Variants in FAM167A observed in about 807,000 individuals in gnomAD.
The protein encoded by FAM167A is protein FAM167A.
In FAM167A, 23 loss-of-function variants were observed where a neutral mutation model predicts 14.9. The observed-to-expected ratio is 1.55, with a 90% CI of 1.11 to 2.19. FAM167A has a LOEUF of 2.19. Ranked by LOEUF, FAM167A falls within the 30% of genes most tolerant of loss-of-function variation. The pLI is 0.00. For missense variants in FAM167A, 401 were observed against 281.5 expected, an observed-to-expected ratio of 1.42 and a Z score of -3.04; for synonymous variants, 174 against 117.7, an observed-to-expected ratio of 1.48 and a Z score of -3.10.
intron 1 of FAM167A, among the ~76,000 whole-genome samples, chr8:11,447,683 G>A (rs765593164): frequency 3.3e-5 from 5 of 152,224 alleles, no homozygotes; most frequent in Non-Finnish European, 5.9e-5. Flanking sequence ...CTGGACCTGG[G>A]CACAGTCATT....
intron 2 of FAM167A, among the ~76,000 whole-genome samples, chr8:11,432,629 T>A (rs974149597): frequency 6.6e-6 from 1 of 152,210 alleles, no homozygotes; most frequent in African/African-American, 2.4e-5. Context: ...TGAAAATTAG[T>A]TCAACCATTG....
chr8:11,458,990 A>G (rs1807437721), intron 1 of FAM167A, among the ~76,000 whole-genome samples: 1 of 152,256 alleles, frequency 6.6e-6, no homozygotes, highest in African/African-American at 2.4e-5. Context: ...CCTGCTGCTC[A>G]TGGCCACCTG....
chr8:11,454,372 C>G (rs1044285878), intron 1 of FAM167A, among the ~76,000 whole-genome samples: 3 of 152,246 alleles, frequency 2.0e-5, no homozygotes, highest in Admixed American at 6.5e-5. Flanking sequence ...CAACACCTGT[C>G]TGGTGCAGGG....
chr8:11,468,426 C>T (rs1304584510), upstream of FAM167A, among the ~76,000 whole-genome samples: 1 of 152,252 alleles, frequency 6.6e-6, no homozygotes, highest in East Asian at 1.9e-4. Context: ...AGCCCCCTGC[C>T]TTATGTCCTT....
chr8:11,431,188 T>A (rs1207739149), intron 2 of FAM167A, among the ~76,000 whole-genome samples: 2 of 152,238 alleles, frequency 1.3e-5, no homozygotes. Flanking sequence ...GGCCTATCCA[T>A]AAAGTGGAAT....
intron 1 of FAM167A, among the ~76,000 whole-genome samples, chr8:11,473,991 A>G (rs1438248951): frequency 6.6e-6 from 1 of 151,940 alleles, no homozygotes; most frequent in South Asian, 2.1e-4. Context: ...TTCCTGCCTC[A>G]GCATCCTGAG....
intron 2 of FAM167A, among the ~76,000 whole-genome samples, chr8:11,427,467 G>GCGACATGCT (rs1189545942): frequency 6.6e-6 from 1 of 152,186 alleles, no homozygotes; most frequent in East Asian, 1.9e-4. Flanking sequence ...TAGTATTTCT[G>GCGACATGCT]CGACATGCTC....
At chr8:11,431,843 G>A (rs1805613303) in intron 2 of FAM167A, among the ~76,000 whole-genome samples, 1 of 147,498 alleles carries the variant, frequency 6.8e-6, no homozygotes, top group Admixed American at 6.8e-5. Context: ...GGCCTCTCTG[G>A]GGGGTTACTG....
chr8:11,424,647 G>T lies in FAM167A; in HGVS notation c.382-11C>A, dbSNP rs775280270. On this transcript the variant is annotated splice_polypyrimidine_tract_variant and intron_variant, in intron 2 of 2. Transcript: ENST00000284486. ...CAGCCGCATCTCCGTCTGGAAGGGA[G>T]GGGGAGCAGGCAGGGTCAGCAGAGA... 8.1e-6 allele frequency: 13 copies of T among 1,612,006 alleles called. 1 individual carries two copies. Among genetic ancestry groups the T allele is most frequent in the Admixed American group, 1.7e-5 (1 of 59,978 alleles).
rs57237881 is a variant in FAM167A at position 11,438,629 on chromosome 8, C to T, written c.381+5402G>A. On this transcript the variant is annotated intron_variant, in intron 2 of 2. Transcript: ENST00000284486. ...AAGTCAAAAGAATAATATTACCACT[C>T]AGAAATAAAGATCATCAAGTTTTGG... is the stretch of plus-strand genomic sequence containing the variant. The T allele has an allele frequency of 1.0e-3, 414 of 413,134 alleles. 1 individual carries two copies. The highest frequency in any genetic ancestry group is 7.9e-3 in the African/African-American group (377 of 47,814). 25.6% of individuals were successfully genotyped at this position (413,134 alleles called of 1,614,324 possible).
chr8:11,473,480 C>T (rs994293530), intron 1 of FAM167A, among the ~76,000 whole-genome samples: 3 of 152,134 alleles, frequency 2.0e-5, no homozygotes, highest in Middle Eastern at 3.2e-3. Flanking sequence ...ACAACTGTAC[C>T]CCGAAGAGAT....
chr8:11,429,402 A>T (rs1004139074), intron 2 of FAM167A, among the ~76,000 whole-genome samples: 1 of 152,152 alleles, frequency 6.6e-6, no homozygotes, highest in African/African-American at 2.4e-5. Flanking sequence ...AGTTCAGGAG[A>T]GCAGGTCTGA....
At chr8:11,430,247 G>A (rs1393249707) in intron 2 of FAM167A, among the ~76,000 whole-genome samples, 1 of 152,224 alleles carries the variant, frequency 6.6e-6, no homozygotes, top group Non-Finnish European at 1.5e-5. Context: ...AGAACTTGTT[G>A]AAAGGGAAGA....
intron 2 of FAM167A, chr8:11,443,674 G>C (rs1415346293): frequency 4.6e-6 from 1 of 219,672 alleles, no homozygotes; most frequent in Non-Finnish European, 9.1e-6. Flanking sequence ...AGCAGGGTGG[G>C]GAGGTTCCAG....
chr8:11,439,293 G>A (rs772475002), intron 2 of FAM167A, among the ~76,000 whole-genome samples: 3 of 152,270 alleles, frequency 2.0e-5, no homozygotes, highest in Non-Finnish European at 4.4e-5. Context: ...CAACCTGGCT[G>A]TATCGCCCAC....
chr8:11,464,944 G>C (rs148062199), intron 1 of FAM167A, among the ~76,000 whole-genome samples: 3 of 152,284 alleles, frequency 2.0e-5, no homozygotes, highest in African/African-American at 7.2e-5. Flanking sequence ...ACAGGAAGGC[G>C]GGGACTGGCA....
chr8:11,424,783 G>A, intron 2 of FAM167A, 147 bp from the exon 3 acceptor site: 1 of 1,229,286 alleles, frequency 8.1e-7, no homozygotes, highest in Non-Finnish European at 1.1e-6. Context: ...TCAGGGAGGT[G>A]AAAAGACACA....
At chr8:11,474,535 T>C (rs975689477) in intron 1 of FAM167A, 3 of 152,100 alleles carry the variant, frequency 2.0e-5, no homozygotes, top group Non-Finnish European at 4.4e-5. Flanking sequence ...TGAGACTTGG[T>C]TTCTGCTTCA....
upstream of FAM167A, among the ~76,000 whole-genome samples, chr8:11,467,265 C>G (rs1807812527): frequency 6.6e-6 from 1 of 152,280 alleles, no homozygotes; most frequent in African/African-American, 2.4e-5. Context: ...AAGACGCGAG[C>G]GTTTGCCCCA....
Sources: allele counts gnomAD v4.1 joint callset (sites outside exome capture counted in the v4.1 genomes callset), GRCh38; gene constraint gnomAD v4.1.1; transcripts MANE v1.5; gene names NCBI Gene and HGNC (gene_info 2026-07-23, HGNC 2026-07-21).